Variants in MAMLD1 observed in about 807,000 individuals in gnomAD.
MAMLD1 encodes the protein mastermind like domain containing 1, also known as mastermind-like domain-containing protein 1.
A neutral mutation model predicts 45.0 loss-of-function variants in MAMLD1; 14 were observed. The observed-to-expected ratio is 0.31, with a 90% CI of 0.21 to 0.49. The LOEUF is 0.49. Among genes scored for constraint, MAMLD1 ranks in the 20% least tolerant of loss-of-function variants. The pLI, the probability that MAMLD1 is intolerant of heterozygous loss-of-function variation, is 0.99. For synonymous variants in MAMLD1, 254 were observed against 247.8 expected, an observed-to-expected ratio of 1.02 and a Z score of -0.24; for missense variants, 543 against 603.6, an observed-to-expected ratio of 0.90 and a Z score of 1.05.
At chrX:150,438,774 G>A (rs1324908079) in intron 1 of MAMLD1, among the ~76,000 whole-genome samples, 1 of 112,170 alleles carries the variant, frequency 8.9e-6, no homozygotes, top group Non-Finnish European at 1.9e-5. Context: ...ATGTACATTC[G>A]GTATGTTTCC....
intron 1 of MAMLD1, among the ~76,000 whole-genome samples, chrX:150,368,078 A>G (rs1415641938): frequency 1.8e-5 from 2 of 111,675 alleles, no homozygotes; most frequent in African/African-American, 3.3e-5. Flanking sequence ...TATACCCAGT[A>G]ATGGGATGGC....
At chrX:150,369,567 G>A (rs614511) in intron 1 of MAMLD1, among the ~76,000 whole-genome samples, 46,890 of 111,392 alleles carry the variant, frequency 0.42, 7,400 homozygotes, top group South Asian at 0.57. Context: ...CAGAGACAGC[G>A]GACATCAGAA....
chrX:150,445,382 A>G, intron 1 of MAMLD1, 72 bp from the exon 2 acceptor site: 1 of 513,990 alleles, frequency 1.9e-6, no homozygotes. Flanking sequence ...TTCAGAGTGA[A>G]AGTCTGTGAT....
At chrX:150,439,901 C>A (rs1557404446) in intron 1 of MAMLD1, among the ~76,000 whole-genome samples, 1 of 110,312 alleles carries the variant, frequency 9.1e-6, no homozygotes, top group Non-Finnish European at 1.9e-5. Flanking sequence ...GAGCCTAGAT[C>A]GAACCACTGC....
chrX:150,430,893 G>T (rs2034916805), intron 1 of MAMLD1, among the ~76,000 whole-genome samples: 1 of 111,809 alleles, frequency 8.9e-6, no homozygotes, highest in Non-Finnish European at 1.9e-5. Flanking sequence ...CAGGTACACT[G>T]GTTATTCTTC....
intron 1 of MAMLD1, among the ~76,000 whole-genome samples, chrX:150,382,695 CT>C (rs1402658627): frequency 2.7e-5 from 3 of 110,744 alleles, no homozygotes; most frequent in East Asian, 5.6e-4. Context: ...ATGTTCAACT[CT>C]TTTTTTCTGA....
chrX:150,438,602 C>A (rs193048221), intron 1 of MAMLD1, among the ~76,000 whole-genome samples: 448 of 112,245 alleles, frequency 4.0e-3, no homozygotes, highest in African/African-American at 0.013. Context: ...AAGATGGAAT[C>A]ATACAGTATG....
At chrX:150,433,427 T>C (rs781867416) in intron 1 of MAMLD1, among the ~76,000 whole-genome samples, 3 of 111,748 alleles carry the variant, frequency 2.7e-5, no homozygotes, top group Non-Finnish European at 5.6e-5. Context: ...TTGCTCCTGA[T>C]AGGACTTCCA....
intron 1 of MAMLD1, among the ~76,000 whole-genome samples, chrX:150,395,435 G>A (rs946469525): frequency 9.0e-6 from 1 of 111,301 alleles, no homozygotes; most frequent in Non-Finnish European, 1.9e-5. Context: ...TTAGGGTGTT[G>A]CTGGCCTCAT....
intron 2 of MAMLD1, 25 bp from the exon 3 acceptor site, chrX:150,462,747 C>G (rs1557405679): frequency 8.8e-7 from 1 of 1,135,884 alleles, no homozygotes; most frequent in Non-Finnish European, 1.2e-6. Flanking sequence ...GCAAGTGGCT[C>G]TCCTCAGCCT....
intron 5 of MAMLD1, among the ~76,000 whole-genome samples, chrX:150,481,931 TAAGA>T (rs1287699684): frequency 1.4e-4 from 7 of 48,701 alleles, no homozygotes; most frequent in South Asian, 1.7e-3. Flanking sequence ...ACAGAGAAAG[TAAGA>T]AAGAAAGAAA....
In MAMLD1 at chrX:150,503,492, A is replaced by G; in HGVS notation, c.2259A>G (p.Pro753=). The change falls in exon 6 of 8, where the codon CCA becomes CCG. Residue 753 remains proline (P), a synonymous_variant. Transcript: ENST00000370401. The part of the protein sequence containing the change: ...DPKAWRQVPA[P]LLPSCDATAR... ...AGGCCTGGAGGCAGGTGCCCGCTCC[A>G]CTACTGCCTAGCTGCGACGCCACAG... 8.5e-7 allele frequency: 1 copy of G among 1,169,988 alleles called. No individual in the cohort carries two copies. The highest frequency in any genetic ancestry group is 1.8e-5 in the South Asian group (1 of 55,490).
At chrX:150,499,089 A>G (rs782639058) in intron 5 of MAMLD1, among the ~76,000 whole-genome samples, 1 of 112,030 alleles carries the variant, frequency 8.9e-6, no homozygotes, top group Non-Finnish European at 1.9e-5. Context: ...AAGTGACTTG[A>G]ACAACGGAGG....
At chrX:150,416,777 T>A (rs2034258755) in intron 1 of MAMLD1, among the ~76,000 whole-genome samples, 1 of 112,324 alleles carries the variant, frequency 8.9e-6, no homozygotes, top group Admixed American at 9.4e-5. Context: ...CTAAAATATT[T>A]GCAAAGAAGT....
chrX:150,471,359 C>A lies in MAMLD1; in HGVS notation c.1786C>A (p.Leu596Met). ...ASSTATATLQLQQQQQQQQQQ... is the reference protein window; with the variant it reads ...ASSTATATLQMQQQQQQQQQQ... ...CTCCACGGCCACTGCCACCTTGCAG[C>A]TGCAGCAGCAGCAGCAGCAACAGCA... The change falls in exon 4 of 8, where the codon CTG becomes ATG. Residue 596 changes from leucine (L) to methionine (M), a missense_variant. Physicochemically the swap from Leu to Met is conservative, Grantham distance 15 (BLOSUM62 2). Coordinates refer to ENST00000370401, the MANE Select transcript of MAMLD1 (RefSeq NM_005491.5). The A allele has an allele frequency of 1.7e-6, 2 of 1,211,493 alleles. No homozygotes were observed. The highest frequency in any genetic ancestry group is 3.5e-5 in the South Asian group (2 of 56,991).
At chrX:150,434,226 A>G (rs781985528) in intron 1 of MAMLD1, among the ~76,000 whole-genome samples, 1 of 109,118 alleles carries the variant, frequency 9.2e-6, no homozygotes, top group Non-Finnish European at 1.9e-5. Flanking sequence ...GATTTTTTGT[A>G]TTTCTGTTGG....
chrX:150,401,718 C>A (rs782169369), intron 1 of MAMLD1, among the ~76,000 whole-genome samples: 14 of 111,644 alleles, frequency 1.3e-4, no homozygotes, highest in Non-Finnish European at 1.9e-5. Flanking sequence ...GGTACCAAAA[C>A]GGAGATATAG....
chrX:150,440,601 G>T (rs1314098433), intron 1 of MAMLD1, among the ~76,000 whole-genome samples: 1 of 109,091 alleles, frequency 9.2e-6, no homozygotes, highest in Non-Finnish European at 1.9e-5. Flanking sequence ...TATAATGATT[G>T]GTCCATTTTA....
At chrX:150,368,996 G>T (rs1233711249) in intron 1 of MAMLD1, among the ~76,000 whole-genome samples, 1 of 112,195 alleles carries the variant, frequency 8.9e-6, no homozygotes, top group Non-Finnish European at 1.9e-5. Flanking sequence ...CAGGTAGCAT[G>T]ATGCCTCCAG....
Sources: gnomAD v4.1 joint callset for allele counts (sites outside exome capture counted in the v4.1 genomes callset) on GRCh38, gnomAD v4.1.1 for gene constraint, MANE v1.5 for transcripts, NCBI Gene and HGNC (gene_info 2026-07-23, HGNC 2026-07-21) for gene names.